The following SPINK5 variants were observed in gnomAD, a reference collection of about 807,000 sequenced individuals.
The protein encoded by SPINK5 is serine peptidase inhibitor Kazal type 5, also known as serine protease inhibitor Kazal-type 5.
SPINK5 carries 125 observed loss-of-function variants against 151.8 expected under a neutral mutation model. The ratio of observed to expected loss-of-function variants is 0.82; its 90% CI spans 0.71 to 0.96. SPINK5 has a LOEUF of 0.96. SPINK5 is among the 40% of genes least tolerant of loss of function. SPINK5 has a pLI of 0.00. For missense variants in SPINK5, 1,194 were observed against 1,291.9 expected, an observed-to-expected ratio of 0.92 and a Z score of 1.16; for synonymous variants, 374 against 395.3, an observed-to-expected ratio of 0.95 and a Z score of 0.64.
At position 148,120,114 on chromosome 5, in the gene SPINK5, T is replaced by C. The variant is rs201815688; in HGVS notation, c.2419T>C (p.Cys807Arg). Residue 807 changes from cysteine to arginine, a missense_variant, in exon 25 of 33, where the codon TGT (cysteine) becomes CGT (arginine). Physicochemically the swap from Cys to Arg is radical, Grantham distance 180. Coordinates refer to ENST00000256084, the MANE Select transcript of SPINK5 (RefSeq NM_006846.4). Reference sequence around the variant, plus strand: ...AGATGGCAAGACACATGGCAATAAGTGTACTATGTGTAAGGAAAAACTGTG... The same window carrying C: ...AGATGGCAAGACACATGGCAATAAGCGTACTATGTGTAAGGAAAAACTGTG... Reference protein sequence around the residue: ...GPDGKTHGNKCTMCKEKLERE... With the variant: ...GPDGKTHGNKRTMCKEKLERE... 1.2e-6 allele frequency: 2 copies of C among 1,613,948 alleles called. No individual in the cohort carries two copies. The highest frequency in any genetic ancestry group is 1.7e-6 in the Non-Finnish European group (2 of 1,179,888).
chr5:148,095,384 T>A (rs1188756470), intron 9 of SPINK5, among the ~76,000 whole-genome samples: 2 of 151,944 alleles, frequency 1.3e-5, no homozygotes, highest in East Asian at 3.9e-4. Flanking sequence ...AATGAAGATA[T>A]GAATGAAGAT....
intron 4 of SPINK5, among the ~76,000 whole-genome samples, chr5:148,079,621 T>C (rs1168134696): frequency 1.3e-5 from 2 of 151,214 alleles, no homozygotes; most frequent in African/African-American, 4.8e-5. Context: ...ATTAGTCTAA[T>C]ACACAATATT....
intron 12 of SPINK5, 104 bp downstream of exon 12, chr5:148,099,419 T>C: frequency 6.9e-6 from 6 of 866,586 alleles, no homozygotes; most frequent in Middle Eastern, 2.5e-4. Context: ...CCAGAATATC[T>C]TAACTCTTCA....
chr5:148,065,230 C>A, intron 1 of SPINK5, 117 bp from the exon 2 acceptor site: 3 of 1,090,188 alleles, frequency 2.8e-6, no homozygotes, highest in South Asian at 1.4e-5. Context: ...AAACCATTTG[C>A]GGTTTTACAA....
At position 148,137,157 on chromosome 5, in the gene SPINK5, C is replaced by A; in HGVS notation, c.*166C>A. ...CTCACTGATTTTCAGTCTTTTCCAT[C>A]TCTTTCCTCCTAGACTCTGTGATCT... On this transcript the variant is annotated 3_prime_UTR_variant, in exon 33 of 33. Transcript: ENST00000256084. 1 of 857,878 alleles carries A rather than the reference C, an allele frequency of 1.2e-6. No homozygotes were observed. The highest frequency in any genetic ancestry group is 1.9e-6 in the Non-Finnish European group (1 of 526,584). The allele number at this position is 857,878 out of a possible 1,614,324, so 53.1% of individuals were successfully genotyped here.
At chr5:148,086,156 G>A (rs908600728) in intron 4 of SPINK5, among the ~76,000 whole-genome samples, 4 of 151,852 alleles carry the variant, frequency 2.6e-5, no homozygotes, top group South Asian at 2.1e-4. Flanking sequence ...GAGTGGTGAC[G>A]TGGCCTACTT....
chr5:148,119,095 T>C (rs751915662), intron 24 of SPINK5, 37 bp downstream of exon 24: 4 of 1,588,924 alleles, frequency 2.5e-6, no homozygotes, highest in African/African-American at 1.3e-5. Context: ...GAATCGTCTT[T>C]CTGTGAGTCA....
At chr5:148,087,132 T>C (rs1753182141) in intron 5 of SPINK5, among the ~76,000 whole-genome samples, 1 of 151,788 alleles carries the variant, frequency 6.6e-6, no homozygotes, top group African/African-American at 2.4e-5. Flanking sequence ...ATTTGTAATA[T>C]TAGAGTAGAT....
intron 4 of SPINK5, among the ~76,000 whole-genome samples, chr5:148,072,961 T>C (rs1752781158): frequency 6.6e-6 from 1 of 151,784 alleles, no homozygotes; most frequent in African/African-American, 2.4e-5. Context: ...TTTCACTTGA[T>C]AATTTTTTTC....
At chr5:148,112,615 G>C (rs1753967646) in intron 19 of SPINK5, among the ~76,000 whole-genome samples, 1 of 152,070 alleles carries the variant, frequency 6.6e-6, no homozygotes, top group African/African-American at 2.4e-5. Context: ...GGAGGTTTCA[G>C]TGAGCCAAGA....
Position 148,137,043 on chromosome 5 carries a change from C to T in SPINK5, c.*52C>T, listed in dbSNP as rs914554105. The T allele has an allele frequency of 3.1e-6, 5 of 1,600,198 alleles. No homozygotes were observed. Among genetic ancestry groups the T allele is most frequent in the African/African-American group, 2.7e-5 (2 of 74,522 alleles). ...GAAAAAATAAACCCCAGTTCTGAAT[C>T]ACCTACCTTCACCATCTGTATATAC... On this transcript the variant is annotated 3_prime_UTR_variant, in exon 33 of 33. Coordinates refer to ENST00000256084, the MANE Select transcript of SPINK5 (RefSeq NM_006846.4).
intron 4 of SPINK5, among the ~76,000 whole-genome samples, chr5:148,078,041 A>G (rs1752928883): frequency 6.6e-6 from 1 of 151,140 alleles, no homozygotes; most frequent in African/African-American, 2.4e-5. Flanking sequence ...CAAAGGAACT[A>G]TAAGCTATCT....
At position 148,136,122 on chromosome 5, in the gene SPINK5, T is replaced by A. The variant is rs189742475; in HGVS notation, c.3187-861T>A. Among the ~76,000 whole-genome samples the A allele has an allele frequency of 3.9e-5, 6 of 152,270 alleles. No individual in the cohort carries two copies. The East Asian group carries it at 9.7e-4, about 24-fold the overall frequency. ...CTTCAATTCCAGTGCTCTACTACCA[T>A]TCCTTAGTTGTCAGGAGATTCTGAA... On this transcript the variant is annotated intron_variant, in intron 32 of 32. Coordinates refer to ENST00000256084, the MANE Select transcript of SPINK5 (RefSeq NM_006846.4).
chr5:148,096,046 A>G lies in SPINK5; in HGVS notation c.882+141A>G, dbSNP rs62388363. 324,739 of 670,586 alleles carry G rather than the reference A, an allele frequency of 0.48. 80,696 individuals are homozygous for G. Among genetic ancestry groups the G allele is most frequent in the Admixed American group, 0.61 (21,496 of 35,248 alleles). 41.5% of individuals were successfully genotyped at this position (670,586 alleles called of 1,614,324 possible). On this transcript the variant is annotated intron_variant, in intron 10 of 32. Transcript: ENST00000256084. Reference sequence around the variant, plus strand: ...CTACTAGTAGGTTTGCTGGAAACTAATTTCTAGTTATTATTTTGTGAAACT... The same window carrying G: ...CTACTAGTAGGTTTGCTGGAAACTAGTTTCTAGTTATTATTTTGTGAAACT...
intron 17 of SPINK5, among the ~76,000 whole-genome samples, chr5:148,108,052 G>A (rs1249607723): frequency 6.6e-6 from 1 of 152,100 alleles, no homozygotes; most frequent in Non-Finnish European, 1.5e-5. Flanking sequence ...AAGAAAAGTG[G>A]CCTGAAATTC....
At chr5:148,064,653 C>T (rs1752529541) in intron 1 of SPINK5, among the ~76,000 whole-genome samples, 1 of 152,032 alleles carries the variant, frequency 6.6e-6, no homozygotes. Flanking sequence ...TTTATATTTG[C>T]TATTTAACCC....
chr5:148,117,444 T>C lies in SPINK5; in HGVS notation c.2112+978T>C, dbSNP rs187090191. On this transcript the variant is annotated intron_variant, in intron 22 of 32. Transcript: ENST00000256084. Reference sequence around the variant, plus strand: ...TTTCTGTATAAGGCCAGCTAAATATTTTAAGCAATGTGGGCTTTGTGGGTC... The same window carrying C: ...TTTCTGTATAAGGCCAGCTAAATATCTTAAGCAATGTGGGCTTTGTGGGTC... Among the ~76,000 whole-genome samples, 515 of 152,332 alleles carry C rather than the reference T, an allele frequency of 3.4e-3. 2 individuals carry two copies. Among genetic ancestry groups the C allele is most frequent in the Non-Finnish European group, 5.5e-3 (376 of 68,030 alleles).
intron 3 of SPINK5, among the ~76,000 whole-genome samples, chr5:148,071,307 T>A (rs899753145): frequency 6.6e-6 from 1 of 152,028 alleles, no homozygotes; most frequent in Non-Finnish European, 1.5e-5. Flanking sequence ...GGGATTGACG[T>A]AGTCAATCAT....
chr5:148,125,976 A>T (rs1365864160), intron 29 of SPINK5, 126 bp downstream of exon 29: 1 of 1,440,810 alleles, frequency 6.9e-7, no homozygotes, highest in African/African-American at 1.4e-5. Flanking sequence ...TTAGAATTAA[A>T]GCCCTCAAAT....
Sources: allele counts gnomAD v4.1 joint callset (sites outside exome capture counted in the v4.1 genomes callset), GRCh38; gene constraint gnomAD v4.1.1; transcripts MANE v1.5; gene names NCBI Gene and HGNC (gene_info 2026-07-23, HGNC 2026-07-21).